ST3GAL3: variants seen among roughly 807,000 people sequenced by gnomAD.
The protein encoded by ST3GAL3 is CMP-N-acetylneuraminate-beta-1,4-galactoside alpha-2,3-sialyltransferase.
In ST3GAL3, 21 loss-of-function variants were observed where a neutral mutation model predicts 50.1. The observed-to-expected ratio is 0.42, with a 90% confidence interval of 0.30 to 0.60. ST3GAL3 has a LOEUF of 0.60. ST3GAL3 is among the 20% of genes least tolerant of loss of function. ST3GAL3 has a pLI of 0.19. For missense variants in ST3GAL3, 353 were observed against 489.4 expected (o/e 0.72, Z 2.63); for synonymous variants, 183 against 190.0 (o/e 0.96, Z 0.30).
At chr1:43,901,176 C>T (rs1171989275) in intron 9 of ST3GAL3, among the ~76,000 whole-genome samples, 2 of 152,220 alleles carry the variant, frequency 1.3e-5, no homozygotes, top group Admixed American at 6.5e-5. Context: ...CTGGTGAACC[C>T]CAGTGAGCCT....
At chr1:43,741,753 G>A (rs929991908) in intron 2 of ST3GAL3, among the ~76,000 whole-genome samples, 7 of 152,156 alleles carry the variant, frequency 4.6e-5, no homozygotes, top group Non-Finnish European at 8.8e-5. Flanking sequence ...TGAAGCAATT[G>A]TGTCAGCCTG....
intron 11 of ST3GAL3, among the ~76,000 whole-genome samples, chr1:43,925,920 CTG>C (rs1456696315): frequency 1.3e-5 from 2 of 152,100 alleles, no homozygotes; most frequent in East Asian, 3.9e-4. Context: ...TAACTGCTGA[CTG>C]TGGTGAGAAC....
At chr1:43,860,592 A>G (rs1451260996) in intron 5 of ST3GAL3, among the ~76,000 whole-genome samples, 1 of 152,212 alleles carries the variant, frequency 6.6e-6, no homozygotes, top group African/African-American at 2.4e-5. Flanking sequence ...AGTCCTCATC[A>G]GGTACTCCAC....
chr1:43,748,032 T>A (rs903635325), intron 2 of ST3GAL3, among the ~76,000 whole-genome samples: 2 of 152,104 alleles, frequency 1.3e-5, no homozygotes, highest in Non-Finnish European at 2.9e-5. Context: ...AGGAACCCAC[T>A]AAGAGTCACC....
At chr1:43,752,399 C>T (rs1289829942) in intron 2 of ST3GAL3, among the ~76,000 whole-genome samples, 1 of 152,206 alleles carries the variant, frequency 6.6e-6, no homozygotes, top group Non-Finnish European at 1.5e-5. Context: ...AGTTTGTGCT[C>T]TCAGTAACAA....
At position 43,899,401 on chromosome 1, in the gene ST3GAL3, G is replaced by A; in HGVS notation, c.557+138G>A. ...AAGAACTCTGGGTTGGAGGGCTTTG[G>A]AACAGACAACTAGCGGGGGCACCTG... On this transcript the variant is annotated intron_variant, in intron 8 of 11. Coordinates refer to ENST00000347631, the MANE Select transcript of ST3GAL3 (RefSeq NM_006279.5). This position sits in a 1 kb window ranked among gnomAD's most constrained non-coding sequence, Gnocchi z 5.4. 1 of 1,584,376 alleles carries A rather than the reference G, an allele frequency of 6.3e-7. No homozygotes were observed. Among genetic ancestry groups the A allele is most frequent in the Non-Finnish European group, 8.6e-7 (1 of 1,165,178 alleles).
intron 2 of ST3GAL3, among the ~76,000 whole-genome samples, chr1:43,765,776 T>C (rs1381437872): frequency 1.8e-4 from 24 of 135,200 alleles, no homozygotes; most frequent in Non-Finnish European, 2.6e-4. Context: ...TGTGTGTGTG[T>C]GTGTGTGTGC....
chr1:43,843,066 G>A (rs926342446), intron 5 of ST3GAL3, among the ~76,000 whole-genome samples: 1 of 152,084 alleles, frequency 6.6e-6, no homozygotes, highest in Non-Finnish European at 1.5e-5. Flanking sequence ...TCATCTATAT[G>A]TCTCATTCCT....
chr1:43,896,506 A>G (rs781426427), intron 6 of ST3GAL3, among the ~76,000 whole-genome samples: 7 of 152,092 alleles, frequency 4.6e-5, no homozygotes, highest in Admixed American at 6.6e-5. Flanking sequence ...GGAAGCCACT[A>G]TTCTGCATTA....
chr1:43,736,866 G>T, intron 2 of ST3GAL3: 1 of 241,032 alleles, frequency 4.1e-6, no homozygotes. Context: ...AGCCGTTGCT[G>T]CTATTGAACT....
chr1:43,817,627 C>G (rs567773474), intron 4 of ST3GAL3, among the ~76,000 whole-genome samples: 85 of 123,038 alleles, frequency 6.9e-4, no homozygotes, highest in Non-Finnish European at 1.1e-3. Context: ...CTCCTCCTCC[C>G]TTCTCCTCCT....
chr1:43,788,687 AC>A (rs1402047762), intron 2 of ST3GAL3, among the ~76,000 whole-genome samples: 2 of 152,338 alleles, frequency 1.3e-5, no homozygotes, highest in African/African-American at 4.8e-5. Flanking sequence ...AGTTGAATAA[AC>A]ATATTGACCA....
At position 43,772,127 on chromosome 1, in the gene ST3GAL3, G is replaced by A. The variant is rs1038952541; in HGVS notation, c.119-19975G>A. ...TGTGATGGCATAATCTCTGCTCACC[G>A]CAACCTCCGCCTCCCGGGTTCAAGC... is the stretch of plus-strand genomic sequence containing the variant. On this transcript the variant is annotated intron_variant, in intron 2 of 11. Transcript: ENST00000347631. 2.8e-5 allele frequency: 11 copies of A among 396,494 alleles called. No homozygotes were observed. The Admixed American group carries it at 3.1e-4, about 11-fold the overall frequency. 24.6% of individuals were successfully genotyped at this position (396,494 alleles called of 1,614,324 possible). A position where few individuals can be genotyped will look rare whatever the true frequency, so the allele number is the denominator to read the frequency against.
rs751937263 is a variant in ST3GAL3, at chr1:43,734,297, C to CTTTTTTTTTTTTTTTTTTTTT, written c.-30-1926_-30-1925insTTTTTTTTTTTTTTTTTTTTT. On this transcript the variant is annotated intron_variant, in intron 1 of 11. Coordinates refer to ENST00000347631, the MANE Select transcript of ST3GAL3 (RefSeq NM_006279.5). ...TTTCTTCTCTTTCTTTCTTCTTCTT[C>CTTTTTTTTTTTTTTTTTTTTT]TTTTTTTTTTGTTTTTTTTTTTTTT... Among the ~76,000 whole-genome samples the CTTTTTTTTTTTTTTTTTTTTT allele has an allele frequency of 2.4e-4, 28 of 114,450 alleles. 4 individuals carry two copies. The highest frequency in any genetic ancestry group is 3.4e-4 in the Non-Finnish European group (19 of 56,378). 75.1% of individuals were successfully genotyped at this position (114,450 alleles called of 152,430 possible). A position where few individuals can be genotyped will look rare whatever the true frequency, so the allele number is the denominator to read the frequency against.
intron 5 of ST3GAL3, 56 bp from the exon 6 acceptor site, chr1:43,894,327 C>T: frequency 6.4e-7 from 1 of 1,561,182 alleles, no homozygotes; most frequent in Admixed American, 1.7e-5. Context: ...GGAAGTGCCA[C>T]CAGTAATCCA....
chr1:43,900,026 C>CCCTGGCCTTAGATCT (rs556905403), intron 9 of ST3GAL3, among the ~76,000 whole-genome samples: 1 of 151,118 alleles, frequency 6.6e-6, no homozygotes, highest in Non-Finnish European at 1.5e-5. Context: ...AGGGGCCCTT[C>CCCTGGCCTTAGATCT]CCTGGCCTTA....
intron 9 of ST3GAL3, among the ~76,000 whole-genome samples, chr1:43,910,630 CAG>C (rs1466243087): frequency 2.0e-5 from 3 of 152,222 alleles, no homozygotes; most frequent in African/African-American, 7.2e-5. Context: ...GCGAGAGCAA[CAG>C]GGCCTGGGCC....
intron 6 of ST3GAL3, among the ~76,000 whole-genome samples, chr1:43,895,540 G>A (rs1215312565): frequency 6.6e-6 from 1 of 152,194 alleles, no homozygotes; most frequent in African/African-American, 2.4e-5. Flanking sequence ...TAAATGGAGA[G>A]AATACTACTA....
chr1:43,827,522 G>T (rs2062972024), intron 4 of ST3GAL3, among the ~76,000 whole-genome samples: 1 of 151,676 alleles, frequency 6.6e-6, no homozygotes, highest in Admixed American at 6.6e-5. Context: ...GGGTTTTGGG[G>T]TTTTTTTTGA....
Sources: gnomAD v4.1 joint callset for allele counts (sites outside exome capture counted in the v4.1 genomes callset) on GRCh38, gnomAD v4.1.1 for gene constraint, Gnocchi (gnomAD v3.1) non-coding constraint, MANE v1.5 for transcripts, NCBI Gene and HGNC (gene_info 2026-07-23, HGNC 2026-07-21) for gene names.